MYO1C: variants seen among roughly 807,000 people sequenced by gnomAD.
MYO1C encodes the protein myosin IC, also known as unconventional myosin-Ic.
MYO1C carries 104 observed loss-of-function variants against 150.8 expected under a neutral mutation model. The ratio of observed to expected loss-of-function variants is 0.69; its 90% CI spans 0.59 to 0.81. MYO1C has a LOEUF of 0.81. Among genes scored for constraint, MYO1C ranks in the 30% least tolerant of loss-of-function variants. MYO1C has a pLI of 0.00. For synonymous variants in MYO1C, 663 were observed against 579.9 expected, an observed-to-expected ratio of 1.14 and a Z score of -2.06; for missense variants, 1,504 against 1,435.0, an observed-to-expected ratio of 1.05 and a Z score of -0.78.
chr17:1,482,432 A>G, intron 5 of MYO1C, 46 bp downstream of exon 5: 1 of 1,536,448 alleles, frequency 6.5e-7, no homozygotes, highest in Non-Finnish European at 9.0e-7. Context: ...TCACACGTGT[A>G]GAGCCTACTG....
chr17:1,485,803 G>C, intron 1 of MYO1C: 3 of 766,246 alleles, frequency 3.9e-6, no homozygotes, highest in Non-Finnish European at 4.8e-6. Context: ...GGGAGGGCCC[G>C]CCCCCCGCAC....
rs11868607 is a variant in MYO1C, at chr17:1,484,093, G to A, written c.231+55C>T. The A allele has an allele frequency of 2.4e-3, 3,844 of 1,589,982 alleles. 29 individuals are homozygous for A. Among genetic ancestry groups the A allele is most frequent in the African/African-American group, 0.02 (1,489 of 73,870 alleles). On this transcript the variant is annotated intron_variant, in intron 2 of 31. Transcript: ENST00000648651. ...GACCCTTGGTGTCTCTTTCCCCTCCGCTTGCCTGTGTCTGTGACCCCAGCA... is the reference window on the plus strand; with the variant it reads ...GACCCTTGGTGTCTCTTTCCCCTCCACTTGCCTGTGTCTGTGACCCCAGCA...
At chr17:1,471,556 C>A (rs933462544) in intron 19 of MYO1C, among the ~76,000 whole-genome samples, 3 of 152,138 alleles carry the variant, frequency 2.0e-5, no homozygotes, top group South Asian at 2.1e-4. Flanking sequence ...TCAGTTTGAC[C>A]CCCCAGGCCC....
rs776295269 is a variant in MYO1C at position 1,479,709 on chromosome 17, G to A, written c.907-4C>T. 1.2e-6 allele frequency: 2 copies of A among 1,607,306 alleles called. No individual in the cohort carries two copies. Among genetic ancestry groups the A allele is most frequent in the Non-Finnish European group, 1.7e-6 (2 of 1,177,124 alleles). On this transcript the variant is annotated splice_polypyrimidine_tract_variant and splice_region_variant and intron_variant, in intron 7 of 31. Coordinates refer to ENST00000648651, the MANE Select transcript of MYO1C (RefSeq NM_001080779.2). This position sits in a 1 kb window ranked among gnomAD's most constrained non-coding sequence, Gnocchi z 4.2. ...TGGCCACGATGCTCAGCAGGTCCTG[G>A]GGGAGCAGGCCGGGGGCAGGAGGGG...
At chr17:1,476,361 T>C (rs554878486) in intron 14 of MYO1C, among the ~76,000 whole-genome samples, 1 of 152,230 alleles carries the variant, frequency 6.6e-6, no homozygotes, top group African/African-American at 2.4e-5. Context: ...TTAATAGAGA[T>C]AGGGTTTCAC....
chr17:1,491,764 G>GCCCCT, intron 1 of MYO1C: 1 of 568,426 alleles, frequency 1.8e-6, no homozygotes, highest in South Asian at 7.6e-5. Context: ...GCCCCGCCCC[G>GCCCCT]CCTCAGCCCC....
At position 1,478,725 on chromosome 17, in the gene MYO1C, G is replaced by C; in HGVS notation, c.1103C>G (p.Pro368Arg). The change falls in exon 10 of 32, where the codon CCG (proline) becomes CGG (arginine). Residue 368 changes from proline (P) to arginine (R), a missense_variant. By Grantham distance (103) the Pro-to-Arg change is moderately radical. Transcript: ENST00000648651. This position sits in a 1 kb window ranked among gnomAD's most constrained non-coding sequence, Gnocchi z 6.3. ...GTACGCGGCCTGCTCCAGGTTCAGC[G>C]GGCTCAGGAGCTGTGGACGCAGCGT... is the stretch of plus-strand genomic sequence containing the variant. Reference protein sequence around the residue: ...IIAKGEELLSPLNLEQAAYAR... With the variant: ...IIAKGEELLSRLNLEQAAYAR... The C allele has an allele frequency of 6.2e-7, 1 of 1,614,024 alleles. No individual in the cohort carries two copies.
In MYO1C at chr17:1,467,663, C is replaced by T. The variant is rs2074204039; in HGVS notation, c.2968-86G>A. On this transcript the variant is annotated intron_variant, in intron 29 of 31. Transcript: ENST00000648651. ...CACCTCCCCATCCACCTCCTGACCC[C>T]CAAATCCACCCCCATCCACCCTCCC... is the stretch of plus-strand genomic sequence containing the variant. 3 of 1,285,136 alleles carry T rather than the reference C, an allele frequency of 2.3e-6. No homozygotes were observed. In the East Asian group the frequency reaches 7.6e-5, roughly 32 times the overall value. 79.6% of individuals were successfully genotyped at this position (1,285,136 alleles called of 1,614,324 possible).
intron 2 of MYO1C, 74 bp downstream of exon 2, chr17:1,484,074 T>G: frequency 2.6e-6 from 4 of 1,563,854 alleles, no homozygotes; most frequent in East Asian, 2.3e-5. Flanking sequence ...CGGTGACCCT[T>G]GGTGTCTCTT....
chr17:1,478,398 G>C lies in MYO1C; in HGVS notation c.1295+12C>G. On this transcript the variant is annotated intron_variant, in intron 11 of 31. Transcript: ENST00000648651. The surrounding 1 kb of genome is among the most constrained non-coding windows in gnomAD (Gnocchi z 6.3). ...AGACCGGGAGGAGAGACGGGGGAAA[G>C]ATGGCACCGACCTGTTATGCTGAAA... 6.2e-7 allele frequency: 1 copy of C among 1,614,128 alleles called. No homozygotes were observed.
chr17:1,469,658 C>T (rs781460324), intron 24 of MYO1C, 44 bp from the exon 25 acceptor site: 118 of 1,488,290 alleles, frequency 7.9e-5, no homozygotes, highest in Non-Finnish European at 1.0e-4. Flanking sequence ...ACCCTGGGCC[C>T]TTCCCTCTGA....
chr17:1,477,062 C>T lies in MYO1C; in HGVS notation c.1574+443G>A, dbSNP rs192793423. ...CCATGTTGCCCAGGCTCGTTTTGAA[C>T]TCCTAACCTAAGGTGATCCACCCGC... On this transcript the variant is annotated intron_variant, in intron 14 of 31. Transcript: ENST00000648651. Among the ~76,000 whole-genome samples the T allele has an allele frequency of 1.6e-3, 242 of 152,272 alleles. 2 individuals are homozygous for T. The highest frequency in any genetic ancestry group is 5.3e-3 in the African/African-American group (220 of 41,560).
intron 1 of MYO1C, chr17:1,485,695 G>A: frequency 5.8e-6 from 7 of 1,204,112 alleles, no homozygotes; most frequent in Non-Finnish European, 7.2e-6. Flanking sequence ...CAGGCTCACC[G>A]ACGCCCGGTA....
chr17:1,485,334 T>C, intron 1 of MYO1C: 17 of 631,608 alleles, frequency 2.7e-5, no homozygotes, highest in Non-Finnish European at 3.3e-5. Context: ...CGGTGTCCTC[T>C]GACCACGAAA....
In MYO1C at chr17:1,467,258, T is replaced by C. The variant is rs1206041634; in HGVS notation, c.3149A>G (p.Asn1050Ser). The change falls in exon 31 of 32, where the codon AAC becomes AGC. Residue 1050 changes from asparagine to serine, a missense_variant. Physicochemically the swap from Asn to Ser is conservative, Grantham distance 46 (BLOSUM62 1). Coordinates refer to ENST00000648651, the MANE Select transcript of MYO1C (RefSeq NM_001080779.2). Reference sequence around the variant, plus strand: ...CCCACTCACCACAGCCAGGTGCCCGTTCTTGGCCTTGGTGATGAGCAGCTC... The same window carrying C: ...CCCACTCACCACAGCCAGGTGCCCGCTCTTGGCCTTGGTGATGAGCAGCTC... ...GSELLITKAK[N>S]GHLAVVAPRL... is the part of the protein sequence containing the mutation. 4 of 1,612,870 alleles carry C rather than the reference T, an allele frequency of 2.5e-6. No individual in the cohort carries two copies. The Admixed American group carries it at 6.7e-5, about 27-fold the overall frequency.
intron 1 of MYO1C, chr17:1,491,766 C>T: frequency 1.8e-6 from 1 of 570,342 alleles, no homozygotes; most frequent in Non-Finnish European, 2.2e-6. Context: ...CCCGCCCCGC[C>T]TCAGCCCCGG....
At position 1,492,547 on chromosome 17, in the gene MYO1C, C is replaced by T; in HGVS notation, c.-60G>A. ...CGGCCTGTGAGCAAGAGCTGCCTGC[C>T]CACTGGCGGGCTCCGACCACTCCGG... On this transcript the variant is annotated 5_prime_UTR_variant, in exon 1 of 32. Coordinates refer to ENST00000648651, the MANE Select transcript of MYO1C (RefSeq NM_001080779.2). 9 of 1,510,946 alleles carry T rather than the reference C, an allele frequency of 6.0e-6. No homozygotes were observed. Among genetic ancestry groups the T allele is most frequent in the African/African-American group, 1.4e-5 (1 of 72,396 alleles). 93.6% of individuals were successfully genotyped at this position (1,510,946 alleles called of 1,614,324 possible). A position where few individuals can be genotyped will look rare whatever the true frequency, so the allele number is the denominator to read the frequency against.
chr17:1,477,745 C>T (rs1441102720), intron 13 of MYO1C, 146 bp downstream of exon 13: 2 of 1,010,550 alleles, frequency 2.0e-6, no homozygotes, highest in Non-Finnish European at 3.1e-6. Flanking sequence ...GGCGGCACCT[C>T]CCTCCATCCT....
At chr17:1,471,868 C>CG (rs748652718) in intron 19 of MYO1C, 39 bp downstream of exon 19, 134 of 1,596,402 alleles carry the variant, frequency 8.4e-5, no homozygotes, top group Non-Finnish European at 1.1e-4. Context: ...CCTACCCTCC[C>CG]GCTCCCCTTC....
Sources: allele counts gnomAD v4.1 joint callset (sites outside exome capture counted in the v4.1 genomes callset), GRCh38; gene constraint gnomAD v4.1.1; non-coding constraint Gnocchi (gnomAD v3.1); transcripts MANE v1.5; gene names NCBI Gene and HGNC (gene_info 2026-07-23, HGNC 2026-07-21).